The following ITSN1 variants were observed in gnomAD, a reference collection of about 807,000 sequenced individuals.
The protein encoded by ITSN1 is intersectin-1.
Under a neutral mutation model 239.8 loss-of-function variants are expected in ITSN1, and 58 were observed. The observed-to-expected ratio is 0.24, with a 90% CI of 0.20 to 0.30. The LOEUF (loss-of-function observed/expected upper bound fraction) is 0.30, where lower values mean the gene tolerates loss of function less well. ITSN1 is among the 10% of genes least tolerant of loss of function. The probability of loss-of-function intolerance (pLI) is 1.00; values close to 1 mark genes in which losing one functional copy is unlikely to be tolerated. For synonymous variants in ITSN1, 780 were observed against 770.8 expected (o/e 1.01, Z -0.20); for missense variants, 1,558 against 2,103.3 (o/e 0.74, Z 5.07).
At chr21:33,654,113 C>T (rs1473861937) in intron 1 of ITSN1, among the ~76,000 whole-genome samples, 1 of 152,004 alleles carries the variant, frequency 6.6e-6, no homozygotes, top group Non-Finnish European at 1.5e-5. Context: ...GTGGCATGAC[C>T]ATGATTCACT....
At chr21:33,816,513 A>G (rs1241778646) in intron 22 of ITSN1, among the ~76,000 whole-genome samples, 1 of 152,160 alleles carries the variant, frequency 6.6e-6, no homozygotes, top group Admixed American at 6.5e-5. Context: ...AAAGCCAGAA[A>G]ATTAGTAAGT....
At chr21:33,670,155 A>T (rs1461955934) in intron 1 of ITSN1, among the ~76,000 whole-genome samples, 1 of 152,142 alleles carries the variant, frequency 6.6e-6, no homozygotes, top group African/African-American at 2.4e-5. Flanking sequence ...TGAGCCCAGG[A>T]CCAGCTTGGA....
intron 1 of ITSN1, chr21:33,689,226 T>G (rs1185448976): frequency 6.6e-6 from 1 of 152,252 alleles, no homozygotes; most frequent in Non-Finnish European, 1.5e-5. Context: ...TATGCTTCTA[T>G]AAACTACCAG....
intron 1 of ITSN1, among the ~76,000 whole-genome samples, chr21:33,645,829 T>C (rs891482085): frequency 3.3e-5 from 5 of 152,350 alleles, no homozygotes; most frequent in Non-Finnish European, 7.3e-5. Context: ...GAGCATCTCC[T>C]GAGACTAGCT....
chr21:33,706,587 A>G (rs953883335), intron 1 of ITSN1, among the ~76,000 whole-genome samples: 6 of 151,718 alleles, frequency 4.0e-5, no homozygotes, highest in African/African-American at 1.5e-4. Context: ...CCTCACTTCT[A>G]TTAGAAAACC....
At position 33,865,762 on chromosome 21, in the gene ITSN1, C is replaced by T. The variant is rs1484953251; in HGVS notation, c.4074+428C>T. On this transcript the variant is annotated intron_variant, in intron 32 of 39. Transcript: ENST00000381318. The surrounding 1 kb of genome is among the most constrained non-coding windows in gnomAD (Gnocchi z 4.4). ...CTCCCAGTGGCCCCTTCATTCCTTT[C>T]GCAGTTGGTTCTGCTTGATGTGCTC... Among the ~76,000 whole-genome samples, 11 of 152,172 alleles carry T rather than the reference C, an allele frequency of 7.2e-5. No homozygotes were observed. Among genetic ancestry groups the T allele is most frequent in the Non-Finnish European group, 2.9e-5 (2 of 68,042 alleles).
chr21:33,647,895 C>T (rs2088125769), intron 1 of ITSN1, among the ~76,000 whole-genome samples: 1 of 152,226 alleles, frequency 6.6e-6, no homozygotes, highest in African/African-American at 2.4e-5. Flanking sequence ...TGTCCTTCTA[C>T]ATATGTCTCT....
rs1021773831 is a variant in ITSN1, at chr21:33,867,344, C to T, written c.4173+13C>T. 13 of 1,499,602 alleles carry T rather than the reference C, an allele frequency of 8.7e-6. No individual in the cohort carries two copies. Among genetic ancestry groups the T allele is most frequent in the Non-Finnish European group, 1.1e-5 (12 of 1,075,864 alleles). 92.9% of individuals were successfully genotyped at this position (1,499,602 alleles called of 1,614,324 possible). A position where few individuals can be genotyped will look rare whatever the true frequency, so the allele number is the denominator to read the frequency against. The stretch of plus-strand genomic sequence containing the variant: ...GATCATTAAAAATGTAAGTACCTGT[C>T]TTGCCTTTTCAAGCAGGGGACGGCT... On this transcript the variant is annotated intron_variant, in intron 33 of 39. Transcript: ENST00000381318.
chr21:33,692,776 C>CT (rs925839934), intron 1 of ITSN1, among the ~76,000 whole-genome samples: 81 of 146,488 alleles, frequency 5.5e-4, no homozygotes, highest in African/African-American at 1.0e-3. Flanking sequence ...TAATCTATTT[C>CT]TTTTTTTTTT....
At chr21:33,838,133 C>G (rs1183920544) in intron 29 of ITSN1, 14 of 985,424 alleles carry the variant, frequency 1.4e-5, no homozygotes, top group Non-Finnish European at 1.7e-5. Context: ...AGCTGAAGCC[C>G]TGTTTGTCTT....
rs1419342973 is a variant in ITSN1, at chr21:33,718,876, T to A, written c.28+20T>A. The A allele has an allele frequency of 6.2e-7, 1 of 1,606,974 alleles. No individual in the cohort carries two copies. The highest frequency in any genetic ancestry group is 8.5e-7 in the Non-Finnish European group (1 of 1,174,204). ...TTGGTGGTAAGTTTTCAGAAATTTC[T>A]CTTTTTAATGTACTTTGGGACCAGA... On this transcript the variant is annotated intron_variant, in intron 2 of 39. Transcript: ENST00000381318.
At chr21:33,887,097 C>T (rs988871821) in intron 39 of ITSN1, among the ~76,000 whole-genome samples, 2 of 151,662 alleles carry the variant, frequency 1.3e-5, no homozygotes, top group South Asian at 2.1e-4. Flanking sequence ...GCAGGAGGAT[C>T]GCTTAAGCCC....
intron 1 of ITSN1, among the ~76,000 whole-genome samples, chr21:33,695,995 A>G (rs1273054679): frequency 1.3e-5 from 2 of 152,232 alleles, no homozygotes; most frequent in African/African-American, 2.4e-5. Flanking sequence ...CAGTCTATTT[A>G]GTGTTTTAGT....
At chr21:33,713,828 CT>C (rs35226795) in intron 1 of ITSN1, among the ~76,000 whole-genome samples, 170 of 89,376 alleles carry the variant, frequency 1.9e-3, no homozygotes, top group African/African-American at 7.3e-3. Context: ...CCAGCCTCAT[CT>C]TTTTTTTTTT....
rs1398844509 is a variant in ITSN1, at chr21:33,643,127, G to A, written c.-33+414G>A. On this transcript the variant is annotated intron_variant, in intron 1 of 39. Transcript: ENST00000381318. ...CGCCGGCGAGGGGCGGCCCGGCCTC[G>A]CCTCCCGCCGGCCTCCCGGGGACCC... Among the ~76,000 whole-genome samples the A allele has an allele frequency of 5.3e-5, 8 of 151,336 alleles. No homozygotes were observed. In the East Asian group the frequency reaches 1.4e-3, roughly 26 times the overall value.
chr21:33,685,731 G>C (rs1234829695), intron 1 of ITSN1, among the ~76,000 whole-genome samples: 1 of 149,370 alleles, frequency 6.7e-6, no homozygotes, highest in Non-Finnish European at 1.5e-5. Context: ...GTGTCTTTTT[G>C]TATACTTTGA....
chr21:33,791,370 T>A (rs1239197791), intron 16 of ITSN1, among the ~76,000 whole-genome samples: 1 of 152,238 alleles, frequency 6.6e-6, no homozygotes, highest in African/African-American at 2.4e-5. Flanking sequence ...TCCTGCAAGC[T>A]CCATTCCTTG....
chr21:33,842,591 G>A (rs1459163451), intron 29 of ITSN1, among the ~76,000 whole-genome samples: 2 of 152,018 alleles, frequency 1.3e-5, no homozygotes, highest in African/African-American at 4.8e-5. Flanking sequence ...CTTGGTGACA[G>A]TAGGTCAAAC....
At chr21:33,761,797 A>G (rs2068348347) in intron 8 of ITSN1, 126 bp from the exon 9 acceptor site, 3 of 676,550 alleles carry the variant, frequency 4.4e-6, no homozygotes, top group Non-Finnish European at 8.0e-6. Context: ...GGTAGTAGCA[A>G]ATGTTATTTA....
Sources: allele counts gnomAD v4.1 joint callset (sites outside exome capture counted in the v4.1 genomes callset), GRCh38; gene constraint gnomAD v4.1.1; non-coding constraint Gnocchi (gnomAD v3.1); transcripts MANE v1.5; gene names NCBI Gene and HGNC (gene_info 2026-07-23, HGNC 2026-07-21).